FAM135A: variants seen among roughly 807,000 people sequenced by gnomAD.
The protein encoded by FAM135A is family with sequence similarity 135 member A.
In FAM135A, 79 loss-of-function variants were observed where a neutral mutation model predicts 146.8. The observed-to-expected ratio is 0.54, with a 90% CI of 0.45 to 0.65. The LOEUF is 0.65. FAM135A is among the 30% of genes least tolerant of loss of function. The probability of loss-of-function intolerance (pLI) is 0.00; values close to 1 mark genes in which losing one functional copy is unlikely to be tolerated. For missense variants in FAM135A, 1,623 were observed against 1,758.2 expected, an observed-to-expected ratio of 0.92 and a Z score of 1.38; for synonymous variants, 562 against 603.6, an observed-to-expected ratio of 0.93 and a Z score of 1.01.
At chr6:70,526,788 C>CA (rs1794820961) in intron 15 of FAM135A, 90 bp downstream of exon 15, 1 of 752,848 alleles carries the variant, frequency 1.3e-6, no homozygotes, top group African/African-American at 2.2e-5. Flanking sequence ...CACACACACA[C>CA]ACACACACAC....
chr6:70,557,375 G>A (rs1206952093), intron 21 of FAM135A: 4 of 156,000 alleles, frequency 2.6e-5, no homozygotes, highest in East Asian at 1.9e-4. Context: ...GGCTTAGCCC[G>A]AATCAGTTAA....
intron 20 of FAM135A, among the ~76,000 whole-genome samples, chr6:70,543,221 G>A (rs1222422448): frequency 6.6e-6 from 1 of 152,172 alleles, no homozygotes; most frequent in East Asian, 1.9e-4. Context: ...CAAGTCTGAA[G>A]TTACTTGAAT....
chr6:70,414,010 G>A, intron 1 of FAM135A: 1 of 985,708 alleles, frequency 1.0e-6, no homozygotes, highest in Non-Finnish European at 1.2e-6. Context: ...CTCGCGCCTA[G>A]CGTGTTTGCC....
In FAM135A at chr6:70,540,651, C is replaced by T. The variant is rs144909335; in HGVS notation, c.4228+2250C>T. On this transcript the variant is annotated intron_variant, in intron 20 of 21. Transcript: ENST00000418814. ...ATTCCTGCTACATTTTCTTAAGTCT[C>T]CCTCCCGTTCATGGTTTTACTCCCT... Among the ~76,000 whole-genome samples, 26 of 152,224 alleles carry T rather than the reference C, an allele frequency of 1.7e-4. No individual in the cohort carries two copies. The East Asian group carries it at 5.0e-3, about 29-fold the overall frequency.
chr6:70,517,007 A>T (rs1792423720), intron 12 of FAM135A, among the ~76,000 whole-genome samples: 1 of 152,198 alleles, frequency 6.6e-6, no homozygotes, highest in African/African-American at 2.4e-5. Flanking sequence ...CTTATTGCTT[A>T]AACTACTTGA....
rs375407767 is a variant in FAM135A, at chr6:70,477,123, G to A, written c.369-36G>A. 35 of 1,584,788 alleles carry A rather than the reference G, an allele frequency of 2.2e-5. No individual in the cohort carries two copies. The African/African-American group carries it at 3.3e-4, about 15-fold the overall frequency. Reference sequence around the variant, plus strand: ...TATAATATATTGGCGTTTACTAAATGTTTCATACTTACATGCTAAGTGTTC... The same window carrying A: ...TATAATATATTGGCGTTTACTAAATATTTCATACTTACATGCTAAGTGTTC... On this transcript the variant is annotated intron_variant, in intron 7 of 21. Coordinates refer to ENST00000418814, the MANE Select transcript of FAM135A (RefSeq NM_001162529.3).
At chr6:70,529,975 A>C (rs958039809) in intron 16 of FAM135A, among the ~76,000 whole-genome samples, 7 of 152,150 alleles carry the variant, frequency 4.6e-5, no homozygotes, top group East Asian at 1.9e-4. Context: ...GAGGCAGGAG[A>C]ATGGCATGAA....
intron 11 of FAM135A, among the ~76,000 whole-genome samples, chr6:70,497,035 C>T (rs922783474): frequency 6.6e-6 from 1 of 152,006 alleles, no homozygotes; most frequent in Non-Finnish European, 1.5e-5. Context: ...TTTTCTAATT[C>T]TGTGAAGAAA....
intron 4 of FAM135A, among the ~76,000 whole-genome samples, chr6:70,435,906 G>A (rs1418544005): frequency 2.0e-5 from 3 of 152,100 alleles, no homozygotes; most frequent in African/African-American, 7.2e-5. Flanking sequence ...TGAACTTGCC[G>A]GGTGTGGTGG....
chr6:70,529,957 C>T (rs999419426), intron 16 of FAM135A, among the ~76,000 whole-genome samples: 6 of 151,910 alleles, frequency 3.9e-5, no homozygotes, highest in Admixed American at 6.6e-5. Flanking sequence ...CCAGCTACTC[C>T]GGAGGCTGAG....
chr6:70,435,924 C>T (rs1773008324), intron 4 of FAM135A, among the ~76,000 whole-genome samples: 1 of 152,180 alleles, frequency 6.6e-6, no homozygotes, highest in African/African-American at 2.4e-5. Flanking sequence ...TGGCTCACGC[C>T]TGTGATCCCA....
chr6:70,448,400 T>A (rs1283959038), intron 4 of FAM135A, among the ~76,000 whole-genome samples: 6 of 152,186 alleles, frequency 3.9e-5, no homozygotes, highest in Non-Finnish European at 8.8e-5. Context: ...CTTGTGCCAC[T>A]GTTACCCTGA....
chr6:70,502,828 G>A, intron 12 of FAM135A, 37 bp downstream of exon 12: 1 of 1,585,680 alleles, frequency 6.3e-7, no homozygotes, highest in South Asian at 1.2e-5. Context: ...GCATTTTAAT[G>A]AGTATTATTT....
At chr6:70,414,639 G>A (rs1280704797) in intron 1 of FAM135A, among the ~76,000 whole-genome samples, 3 of 151,786 alleles carry the variant, frequency 2.0e-5, no homozygotes, top group Non-Finnish European at 4.4e-5. Flanking sequence ...GCCTAAGCTA[G>A]GTATCCACTC....
chr6:70,460,369 A>AT lies in FAM135A; in HGVS notation c.157+7805dup, dbSNP rs1228777362. On this transcript the variant is annotated intron_variant, in intron 5 of 21. Coordinates refer to ENST00000418814, the MANE Select transcript of FAM135A (RefSeq NM_001162529.3). ...AAATAAGGATATAAACAGTCCCACCATTTTTTTCTTCTCAAATTTTCTCTC... is the reference window on the plus strand; with the variant it reads ...AAATAAGGATATAAACAGTCCCACCATTTTTTTTCTTCTCAAATTTTCTCTC... Among the ~76,000 whole-genome samples the AT allele has an allele frequency of 2.0e-5, 3 of 152,008 alleles. No homozygotes were observed. In the East Asian group the frequency reaches 5.8e-4, roughly 29 times the overall value.
chr6:70,423,892 G>A (rs946175477), intron 2 of FAM135A, among the ~76,000 whole-genome samples: 12 of 152,166 alleles, frequency 7.9e-5, no homozygotes, highest in African/African-American at 2.7e-4. Context: ...TGCAAGTCCA[G>A]TGACCTATAA....
chr6:70,490,212 C>T (rs1785607638), intron 10 of FAM135A, among the ~76,000 whole-genome samples: 1 of 152,066 alleles, frequency 6.6e-6, no homozygotes, highest in Non-Finnish European at 1.5e-5. Context: ...TCTTTCACAA[C>T]AAGATTATGG....
At chr6:70,533,705 T>C (rs1796257135) in intron 17 of FAM135A, 52 bp from the exon 18 acceptor site, 4 of 1,068,224 alleles carry the variant, frequency 3.7e-6, no homozygotes, top group Middle Eastern at 2.0e-4. Flanking sequence ...TAGTTTTTCA[T>C]GTGATTATAC....
chr6:70,489,631 AGCAGCCAGTGCTGGG>A (rs1310664561), intron 10 of FAM135A, among the ~76,000 whole-genome samples: 16 of 152,344 alleles, frequency 1.1e-4, no homozygotes, highest in Non-Finnish European at 1.9e-4. Context: ...GTGAGCTAGC[AGCAGCCAGTGCTGGG>A]GAACTCTATG....
Sources: allele counts gnomAD v4.1 joint callset (sites outside exome capture counted in the v4.1 genomes callset), GRCh38; gene constraint gnomAD v4.1.1; transcripts MANE v1.5; gene names NCBI Gene and HGNC (gene_info 2026-07-23, HGNC 2026-07-21).